The following MACROD1 variants were observed in gnomAD, a reference collection of about 807,000 sequenced individuals.
MACROD1 encodes ADP-ribose glycohydrolase MACROD1.
MACROD1 carries 31 observed loss-of-function variants against 41.4 expected under a neutral mutation model. That is an observed-to-expected ratio of 0.75 (90% CI 0.56 to 1.01). The LOEUF is 1.01. Among genes scored for constraint, MACROD1 ranks in the 50% least tolerant of loss-of-function variants. MACROD1 has a pLI of 0.00. For synonymous variants in MACROD1, 252 were observed against 203.4 expected, an observed-to-expected ratio of 1.24 and a Z score of -2.03; for missense variants, 473 against 460.0, an observed-to-expected ratio of 1.03 and a Z score of -0.26.
intron 1 of MACROD1, among the ~76,000 whole-genome samples, chr11:64,154,988 G>T (rs1040759151): frequency 6.6e-6 from 1 of 152,240 alleles, no homozygotes; most frequent in Admixed American, 6.5e-5. Flanking sequence ...CGAAGTGCTG[G>T]AATTACAGGC....
At chr11:64,143,509 C>T (rs2134684873) in intron 3 of MACROD1, among the ~76,000 whole-genome samples, 1 of 152,148 alleles carries the variant, frequency 6.6e-6, no homozygotes, top group Admixed American at 6.5e-5. Flanking sequence ...ACACAGGATA[C>T]CGGGCAGGCT....
chr11:64,022,572 A>G (rs980567391), intron 3 of MACROD1, among the ~76,000 whole-genome samples: 1 of 152,202 alleles, frequency 6.6e-6, no homozygotes. Flanking sequence ...CGTTTAAAAC[A>G]TGTTTTAGAT....
At chr11:64,114,604 C>T (rs1391517579) in intron 3 of MACROD1, among the ~76,000 whole-genome samples, 1 of 127,006 alleles carries the variant, frequency 7.9e-6, no homozygotes, top group African/African-American at 3.2e-5. Flanking sequence ...GGATGGTGGA[C>T]AGATGGATGG....
intron 3 of MACROD1, among the ~76,000 whole-genome samples, chr11:64,055,426 G>T (rs1259474031): frequency 6.6e-6 from 1 of 152,352 alleles, no homozygotes; most frequent in African/African-American, 2.4e-5. Context: ...CACAGGCCAG[G>T]ACGGGAGCTA....
intron 4 of MACROD1, among the ~76,000 whole-genome samples, chr11:64,008,772 C>A (rs554292341): frequency 1.3e-5 from 2 of 152,094 alleles, no homozygotes; most frequent in Non-Finnish European, 2.9e-5. Context: ...TGAGCGGGGT[C>A]GCTAACCTCA....
intron 3 of MACROD1, among the ~76,000 whole-genome samples, chr11:64,048,218 G>A (rs1943622705): frequency 6.6e-6 from 1 of 152,246 alleles, no homozygotes; most frequent in African/African-American, 2.4e-5. Context: ...GGCCTTCGAG[G>A]AGAGCTCAGC....
At chr11:64,095,780 A>C (rs1257584275) in intron 3 of MACROD1, among the ~76,000 whole-genome samples, 1 of 152,190 alleles carries the variant, frequency 6.6e-6, no homozygotes, top group African/African-American at 2.4e-5. Context: ...CCTTGAAGGA[A>C]GTGAGCAGGG....
intron 3 of MACROD1, among the ~76,000 whole-genome samples, chr11:64,110,780 C>G (rs1171789600): frequency 1.3e-5 from 2 of 152,166 alleles, no homozygotes; most frequent in African/African-American, 4.8e-5. Flanking sequence ...GGGCGATTTA[C>G]CAGGTTTAAT....
intron 3 of MACROD1, among the ~76,000 whole-genome samples, chr11:64,138,328 C>T (rs1945359964): frequency 6.6e-6 from 1 of 152,266 alleles, no homozygotes; most frequent in Non-Finnish European, 1.5e-5. Context: ...AAACATACCC[C>T]ACCTTCCTGT....
intron 3 of MACROD1, among the ~76,000 whole-genome samples, chr11:64,022,264 C>T (rs951333350): frequency 5.9e-5 from 9 of 152,148 alleles, no homozygotes; most frequent in South Asian, 4.1e-4. Flanking sequence ...CTGCAGTGTC[C>T]GGGTGACCCC....
chr11:64,038,976 C>A (rs780821001), intron 3 of MACROD1, among the ~76,000 whole-genome samples: 17 of 152,104 alleles, frequency 1.1e-4, no homozygotes, highest in Non-Finnish European at 2.1e-4. Flanking sequence ...AGAGTTCATG[C>A]CTAGCAATGT....
intron 3 of MACROD1, among the ~76,000 whole-genome samples, chr11:64,098,332 C>A (rs1944614069): frequency 1.3e-5 from 2 of 152,184 alleles, no homozygotes; most frequent in Admixed American, 1.3e-4. Flanking sequence ...GGGACACTGA[C>A]CTCTCACTAT....
At chr11:64,091,613 G>A (rs61884707) in intron 3 of MACROD1, among the ~76,000 whole-genome samples, 45,669 of 152,014 alleles carry the variant, frequency 0.3, 8,663 homozygotes, top group Middle Eastern at 0.44. Flanking sequence ...AGCCTAGGAC[G>A]TTGCCGCCAC....
intron 3 of MACROD1, among the ~76,000 whole-genome samples, chr11:64,069,040 C>T (rs1220469991): frequency 4.7e-5 from 7 of 149,852 alleles, no homozygotes; most frequent in East Asian, 2.0e-4. Flanking sequence ...GGGATTCCTC[C>T]GGGGGCAGTG....
At chr11:64,076,216 T>G (rs1347033425) in intron 3 of MACROD1, among the ~76,000 whole-genome samples, 1 of 152,174 alleles carries the variant, frequency 6.6e-6, no homozygotes, top group African/African-American at 2.4e-5. Context: ...CATCTCACCA[T>G]GCAGGGTCCT....
intron 1 of MACROD1, among the ~76,000 whole-genome samples, chr11:64,153,865 C>A (rs1217820239): frequency 6.6e-6 from 1 of 152,150 alleles, no homozygotes; most frequent in Admixed American, 6.5e-5. Context: ...GGACTCACTG[C>A]TGCAGGTCCC....
intron 3 of MACROD1, among the ~76,000 whole-genome samples, chr11:64,026,537 A>C (rs529379100): frequency 9.2e-5 from 14 of 152,304 alleles, no homozygotes; most frequent in African/African-American, 3.4e-4. Flanking sequence ...CGCATATCTT[A>C]ACTTTACTAG....
chr11:64,030,321 C>A (rs1457267636), intron 3 of MACROD1, among the ~76,000 whole-genome samples: 1 of 152,176 alleles, frequency 6.6e-6, no homozygotes, highest in Non-Finnish European at 1.5e-5. Flanking sequence ...TCATTGTTGC[C>A]TTGAAGGGCT....
intron 3 of MACROD1, among the ~76,000 whole-genome samples, chr11:64,074,412 G>T (rs1014553154): frequency 2.0e-5 from 3 of 152,188 alleles, no homozygotes; most frequent in Admixed American, 1.3e-4. Flanking sequence ...GAGCTCCAGG[G>T]GTGTGGTCCA....
Sources: allele counts gnomAD v4.1 joint callset (sites outside exome capture counted in the v4.1 genomes callset), GRCh38; gene constraint gnomAD v4.1.1; transcripts MANE v1.5; gene names NCBI Gene and HGNC (gene_info 2026-07-23, HGNC 2026-07-21).